The following AHR variants were observed in gnomAD, a reference collection of about 807,000 sequenced individuals.
AHR encodes AH-receptor.
AHR carries 40 observed loss-of-function variants against 86.8 expected under a neutral mutation model. The ratio of observed to expected loss-of-function variants is 0.46; its 90% CI spans 0.36 to 0.60. AHR has a LOEUF of 0.60. Ranked by LOEUF, AHR falls within the 20% of genes least tolerant of loss-of-function variation. The pLI is 0.00. For missense variants in AHR, 1,001 were observed against 1,011.6 expected (o/e 0.99, Z 0.14); for synonymous variants, 398 against 354.9 (o/e 1.12, Z -1.37).
chr7:17,330,968 A>G, intron 6 of AHR, 82 bp downstream of exon 6: 1 of 1,466,854 alleles, frequency 6.8e-7, no homozygotes, highest in East Asian at 2.3e-5. Flanking sequence ...GCAAAATATA[A>G]TTCAGCAGAG....
Position 17,338,975 on chromosome 7 carries a change from C to T in AHR, c.1161-11C>T, listed in dbSNP as rs371413755. 2.0e-6 allele frequency: 3 copies of T among 1,523,182 alleles called. No homozygotes were observed. The highest frequency in any genetic ancestry group is 2.3e-5 in the East Asian group (1 of 43,138). 94.4% of individuals were successfully genotyped at this position (1,523,182 alleles called of 1,614,324 possible). Reference sequence around the variant, plus strand: ...AATTTTTTTCTAAGACTTTTTTGTACACAATTTTAGAGATGAGGAAGGAAC... The same window carrying T: ...AATTTTTTTCTAAGACTTTTTTGTATACAATTTTAGAGATGAGGAAGGAAC... On this transcript the variant is annotated splice_polypyrimidine_tract_variant and intron_variant, in intron 9 of 10. Transcript: ENST00000242057.
intron 9 of AHR, among the ~76,000 whole-genome samples, chr7:17,336,510 A>T (rs1030966490): frequency 6.6e-6 from 1 of 152,124 alleles, no homozygotes; most frequent in Non-Finnish European, 1.5e-5. Context: ...TTCTCCTTCA[A>T]GATTGCCTTG....
chr7:17,327,764 G>A lies in AHR; in HGVS notation c.366G>A (p.Leu122=). The change falls in exon 4 of 11, where the codon CTG becomes CTA. Residue 122 remains leucine, a synonymous_variant. Coordinates refer to ENST00000242057, the MANE Select transcript of AHR (RefSeq NM_001621.5). ...LQEGEFLLQA[L]NGFVLVVTTD... is the part of the protein sequence containing the mutation. ...AGAACTTCCTTTCCTTGTAGGCTCT[G>A]AATGGCTTTGTATTAGTTGTCACTA... 1 of 1,556,350 alleles carries A rather than the reference G, an allele frequency of 6.4e-7. No homozygotes were observed. The highest frequency in any genetic ancestry group is 8.8e-7 in the Non-Finnish European group (1 of 1,142,270).
In AHR at chr7:17,339,010, A is replaced by G; in HGVS notation, c.1185A>G (p.Leu395=). The change falls in exon 10 of 11, where the codon TTA becomes TTG. Residue 395 remains leucine (L), a synonymous_variant. Coordinates refer to ENST00000242057, the MANE Select transcript of AHR (RefSeq NM_001621.5). The part of the protein sequence containing the change: ...PLTDEEGTEH[L]RKRNTKLPFM... The stretch of plus-strand genomic sequence containing the variant: ...GAGATGAGGAAGGAACAGAGCATTT[A>G]CGAAAACGAAATACGAAGTTGCCTT... 7 of 1,613,940 alleles carry G rather than the reference A, an allele frequency of 4.3e-6. No individual in the cohort carries two copies. The highest frequency in any genetic ancestry group is 5.9e-6 in the Non-Finnish European group (7 of 1,179,876).
At chr7:17,338,529 T>C (rs1782380704) in intron 9 of AHR, among the ~76,000 whole-genome samples, 1 of 151,934 alleles carries the variant, frequency 6.6e-6, no homozygotes, top group South Asian at 2.1e-4. Flanking sequence ...CTAGTTTTTA[T>C]TTTTTTGTAG....
At chr7:17,301,306 G>A (rs759159975) in intron 1 of AHR, among the ~76,000 whole-genome samples, 2 of 151,914 alleles carry the variant, frequency 1.3e-5, no homozygotes, top group Non-Finnish European at 2.9e-5. Flanking sequence ...TTATAATGCA[G>A]TTAATCAAAG....
intron 2 of AHR, among the ~76,000 whole-genome samples, chr7:17,320,404 T>C (rs1192812345): frequency 6.6e-6 from 1 of 152,090 alleles, no homozygotes; most frequent in Admixed American, 6.6e-5. Context: ...TTTATGTTTT[T>C]CTACTGCCAG....
chr7:17,343,079 T>A lies in AHR; in HGVS notation c.*15T>A, dbSNP rs1388978978. 1 of 1,613,118 alleles carries A rather than the reference T, an allele frequency of 6.2e-7. No homozygotes were observed. The highest frequency in any genetic ancestry group is 8.5e-7 in the Non-Finnish European group (1 of 1,179,494). ...GATTCCTGTAATTCCAAGCCCAATT[T>A]TGACCCTGGTTTTTGGATTAAATTA... is the stretch of plus-strand genomic sequence containing the variant. On this transcript the variant is annotated 3_prime_UTR_variant, in exon 11 of 11. Transcript: ENST00000242057.
chr7:17,334,496 A>G (rs2115366671), intron 7 of AHR, among the ~76,000 whole-genome samples: 1 of 152,174 alleles, frequency 6.6e-6, no homozygotes, highest in African/African-American at 2.4e-5. Context: ...CATATCAAAC[A>G]TATCAGTGCT....
At chr7:17,330,941 G>C in intron 6 of AHR, 55 bp downstream of exon 6, 1 of 1,563,342 alleles carries the variant, frequency 6.4e-7, no homozygotes. Flanking sequence ...ATAAAAGCTT[G>C]AGGCAAATTT....
chr7:17,308,040 C>T lies in AHR; in HGVS notation c.66-1896C>T, dbSNP rs575599444. On this transcript the variant is annotated intron_variant, in intron 1 of 10. Transcript: ENST00000242057. ...CCTTGCTTTATTTTTCTTCTTAGCA[C>T]TCACCGCCCTAAAAGTTATATGTTT... Among the ~76,000 whole-genome samples, 6 of 152,256 alleles carry T rather than the reference C, an allele frequency of 3.9e-5. No individual in the cohort carries two copies. The East Asian group carries it at 7.7e-4, about 20-fold the overall frequency.
intron 2 of AHR, among the ~76,000 whole-genome samples, chr7:17,319,324 T>G (rs919966729): frequency 8.5e-5 from 13 of 152,050 alleles, no homozygotes; most frequent in African/African-American, 3.1e-4. Flanking sequence ...AGAGGTAGCA[T>G]TGTCCTCATT....
chr7:17,340,852 T>A (rs1271704246), intron 10 of AHR, among the ~76,000 whole-genome samples: 1 of 152,122 alleles, frequency 6.6e-6, no homozygotes, highest in Non-Finnish European at 1.5e-5. Context: ...CTGGCTTTCT[T>A]AAAAGAGGTA....
chr7:17,334,976 G>T lies in AHR; in HGVS notation c.998G>T (p.Cys333Phe). Reference protein sequence around the residue: ...QFIHAADMLYCAESHIRMIKT... With the variant: ...QFIHAADMLYFAESHIRMIKT... ...ATTCATGCAGCTGATATGCTTTATT[G>T]TGCCGAGTCCCATATCCGAAGTAAG... is the stretch of plus-strand genomic sequence containing the variant. Residue 333 changes from cysteine to phenylalanine, a missense_variant, in exon 8 of 11, where the codon TGT becomes TTT. This residue lies in a region of AHR where 394 missense variants were observed against 468.5 expected (regional missense o/e 0.84). Transcript: ENST00000242057. The T allele has an allele frequency of 6.2e-7, 1 of 1,613,024 alleles. No homozygotes were observed. The highest frequency in any genetic ancestry group is 8.5e-7 in the Non-Finnish European group (1 of 1,179,272).
At chr7:17,335,847 A>T (rs1276942455) in intron 9 of AHR, 61 bp downstream of exon 9, 22 of 1,511,162 alleles carry the variant, frequency 1.5e-5, no homozygotes, top group Non-Finnish European at 2.0e-5. Context: ...TCTTATGTGA[A>T]AGCATAAAAA....
rs1782348922 is a variant in AHR at position 17,335,800 on chromosome 7, A to G, written c.1160+14A>G. 1.2e-6 allele frequency: 2 copies of G among 1,606,066 alleles called. No individual in the cohort carries two copies. The highest frequency in any genetic ancestry group is 1.7e-5 in the Admixed American group (1 of 58,194). ...GAGACCACTAACGTAAGCACAAATA[A>G]TGTTTCCTGTTTTAACAGTTTTGTT... On this transcript the variant is annotated intron_variant, in intron 9 of 10. Transcript: ENST00000242057.
At chr7:17,335,907 A>C (rs1328574885) in intron 9 of AHR, 121 bp downstream of exon 9, 1 of 1,061,390 alleles carries the variant, frequency 9.4e-7, no homozygotes, top group Non-Finnish European at 1.3e-6. Context: ...AGTTTAATTC[A>C]TCTAGAAAGA....
At chr7:17,301,970 C>A (rs557624097) in intron 1 of AHR, among the ~76,000 whole-genome samples, 6 of 151,972 alleles carry the variant, frequency 3.9e-5, no homozygotes, top group Admixed American at 2.6e-4. Flanking sequence ...AAAAAGAGAA[C>A]AAATCCTGTG....
chr7:17,319,492 C>G (rs915690060), intron 2 of AHR, among the ~76,000 whole-genome samples: 1 of 152,048 alleles, frequency 6.6e-6, no homozygotes, highest in Non-Finnish European at 1.5e-5. Context: ...TAAGTCTCAC[C>G]TTTCTAATAT....
Sources: gnomAD v4.1 joint callset for allele counts (sites outside exome capture counted in the v4.1 genomes callset) on GRCh38, gnomAD v4.1.1 for gene constraint, gnomAD v4.1.1 regional missense constraint, MANE v1.5 for transcripts, NCBI Gene and HGNC (gene_info 2026-07-23, HGNC 2026-07-21) for gene names.